BRWD3: variants seen among roughly 807,000 people sequenced by gnomAD.
The protein encoded by BRWD3 is bromodomain and WD repeat domain containing 3, also known as bromodomain and WD repeat-containing protein 3.
A neutral mutation model predicts 149.7 loss-of-function variants in BRWD3; 10 were observed. The observed-to-expected ratio is 0.07, with a 90% CI of 0.04 to 0.11. The LOEUF is 0.11. BRWD3 is among the 10% of genes least tolerant of loss of function. BRWD3 has a pLI of 1.00. For missense variants in BRWD3, 940 were observed against 1,373.2 expected (o/e 0.68, Z 4.99); for synonymous variants, 504 against 456.7 (o/e 1.10, Z -1.32).
intron 6 of BRWD3, among the ~76,000 whole-genome samples, chrX:80,776,403 AT>A (rs764383400): frequency 8.9e-6 from 1 of 112,449 alleles, no homozygotes; most frequent in South Asian, 3.7e-4. Flanking sequence ...AAAATAAAGG[AT>A]TTTCAACTCA....
chrX:80,699,940 G>C lies in BRWD3; in HGVS notation c.2943+17C>G. The stretch of plus-strand genomic sequence containing the variant: ...AAGCTACTTCCATTGCATAGCTTAT[G>C]AATTTGGCAAACTTACCCTGAGATC... On this transcript the variant is annotated intron_variant, in intron 25 of 40. Transcript: ENST00000373275. 2 of 1,156,979 alleles carry C rather than the reference G, an allele frequency of 1.7e-6. No homozygotes were observed. Among genetic ancestry groups the C allele is most frequent in the Non-Finnish European group, 2.4e-6 (2 of 847,698 alleles).
chrX:80,772,195 A>G lies in BRWD3; in HGVS notation c.430+19659T>C, dbSNP rs184466365. Among the ~76,000 whole-genome samples, 360 of 112,195 alleles carry G rather than the reference A, an allele frequency of 3.2e-3. 1 individual carries two copies. Among genetic ancestry groups the G allele is most frequent in the Non-Finnish European group, 2.1e-3 (110 of 53,273 alleles). ...TATGTTTATTGCGGCACTATTCACA[A>G]TAGCAAAGACTTGGAACCAACCCAA... On this transcript the variant is annotated intron_variant, in intron 6 of 40. Transcript: ENST00000373275.
intron 6 of BRWD3, among the ~76,000 whole-genome samples, chrX:80,755,067 A>G (rs1371853729): frequency 9.0e-6 from 1 of 111,713 alleles, no homozygotes. Context: ...ATCTACTGAG[A>G]TGATTATGGT....
rs2072508456 is a variant in BRWD3 at position 80,685,479 on chromosome X, C to CTTGTTG, written c.4057_4062dup (p.Gln1353_Gln1354dup). The CTTGTTG allele has an allele frequency of 8.3e-7, 1 of 1,208,072 alleles. No individual in the cohort carries two copies. The highest frequency in any genetic ancestry group is 2.3e-4 in the Middle Eastern group (1 of 4,321). ...AGGCCTACCTCAGAAAGAGATGAATCTTGTTGTCTTTCTGGAACAACAGAC... is the reference window on the plus strand; with the variant it reads ...AGGCCTACCTCAGAAAGAGATGAATCTTGTTGTTGTTGTCTTTCTGGAACAACAGAC... On this transcript the variant is annotated inframe_insertion, in exon 36 of 41. Transcript: ENST00000373275.
At chrX:80,727,925 T>G (rs1304914839) in intron 14 of BRWD3, among the ~76,000 whole-genome samples, 3 of 112,037 alleles carry the variant, frequency 2.7e-5, no homozygotes, top group African/African-American at 9.7e-5. Context: ...GACAGGACTC[T>G]GTCTAATTTA....
chrX:80,692,212 C>T (rs2072622572), intron 28 of BRWD3, 62 bp from the exon 29 acceptor site: 2 of 1,035,140 alleles, frequency 1.9e-6, no homozygotes, highest in East Asian at 3.0e-5. Context: ...TCATATACTA[C>T]CACAATTTTA....
rs2072758079 is a variant in BRWD3, at chrX:80,699,939, T to C, written c.2943+18A>G. 4 of 1,152,925 alleles carry C rather than the reference T, an allele frequency of 3.5e-6. No individual in the cohort carries two copies. The highest frequency in any genetic ancestry group is 6.0e-5 in the East Asian group (2 of 33,455). ...AAAGCTACTTCCATTGCATAGCTTA[T>C]GAATTTGGCAAACTTACCCTGAGAT... On this transcript the variant is annotated intron_variant, in intron 25 of 40. Transcript: ENST00000373275.
intron 6 of BRWD3, among the ~76,000 whole-genome samples, chrX:80,752,725 A>G (rs1422896887): frequency 8.9e-6 from 1 of 111,788 alleles, no homozygotes; most frequent in African/African-American, 3.3e-5. Flanking sequence ...GCTGAAGTGC[A>G]GTGGCACCAT....
At chrX:80,713,729 T>G (rs2073032460) in intron 20 of BRWD3, among the ~76,000 whole-genome samples, 1 of 111,709 alleles carries the variant, frequency 9.0e-6, no homozygotes, top group African/African-American at 3.3e-5. Flanking sequence ...AAATCTTAGA[T>G]TACTTCTAAC....
intron 40 of BRWD3, among the ~76,000 whole-genome samples, chrX:80,677,590 T>TAA (rs780973323): frequency 9.0e-6 from 1 of 111,002 alleles, no homozygotes; most frequent in Non-Finnish European, 1.9e-5. Context: ...GGCCATGAGG[T>TAA]TTAGGCAGAA....
At chrX:80,725,960 C>T (rs746201730) in intron 14 of BRWD3, among the ~76,000 whole-genome samples, 3 of 109,678 alleles carry the variant, frequency 2.7e-5, no homozygotes, top group African/African-American at 9.9e-5. Context: ...CTATATAACA[C>T]ATAACATGTT....
At chrX:80,735,499 A>G (rs1475976294) in intron 9 of BRWD3, among the ~76,000 whole-genome samples, 1 of 111,824 alleles carries the variant, frequency 8.9e-6, no homozygotes, top group Admixed American at 9.5e-5. Context: ...AAGATTTTCT[A>G]TATAAATTGT....
At chrX:80,706,504 C>G (rs1234519533) in intron 22 of BRWD3, among the ~76,000 whole-genome samples, 1 of 111,537 alleles carries the variant, frequency 9.0e-6, no homozygotes, top group Non-Finnish European at 1.9e-5. Flanking sequence ...AACTAAGACA[C>G]AAACATTAGC....
chrX:80,743,226 G>A (rs1048960554), intron 8 of BRWD3, among the ~76,000 whole-genome samples: 4 of 111,865 alleles, frequency 3.6e-5, no homozygotes, highest in East Asian at 5.6e-4. Context: ...TGAACCAGCC[G>A]TGCATCCCAG....
chrX:80,703,719 A>G, intron 23 of BRWD3, 126 bp from the exon 24 acceptor site: 1 of 458,198 alleles, frequency 2.2e-6, no homozygotes, highest in Non-Finnish European at 3.7e-6. Context: ...AATGAAACCT[A>G]AAGTATATAA....
intron 2 of BRWD3, 95 bp downstream of exon 2, chrX:80,809,151 T>C: frequency 2.6e-6 from 3 of 1,144,411 alleles, no homozygotes; most frequent in Non-Finnish European, 2.4e-6. Context: ...AAGGCCGGCC[T>C]TTCCCTCACC....
At chrX:80,725,833 GTTTACATGTGTTACATGCCTA>G (rs1214026274) in intron 14 of BRWD3, among the ~76,000 whole-genome samples, 5 of 96,509 alleles carry the variant, frequency 5.2e-5, no homozygotes, top group African/African-American at 2.1e-4. Context: ...AACATAACAT[GTTTACATGTGTTACATGCCTA>G]TATAACATAA....
chrX:80,745,418 G>A (rs2073578698), intron 7 of BRWD3, 151 bp downstream of exon 7: 1 of 474,219 alleles, frequency 2.1e-6, no homozygotes, highest in African/African-American at 2.4e-5. Context: ...TATATAAAAT[G>A]AGAAACTTTT....
chrX:80,712,058 A>G (rs1020506931), intron 20 of BRWD3, among the ~76,000 whole-genome samples: 1 of 111,825 alleles, frequency 8.9e-6, no homozygotes, highest in Non-Finnish European at 1.9e-5. Flanking sequence ...AAGAGGTAAA[A>G]AGTATCTTTA....
Sources: gnomAD v4.1 joint callset for allele counts (sites outside exome capture counted in the v4.1 genomes callset) on GRCh38, gnomAD v4.1.1 for gene constraint, MANE v1.5 for transcripts, NCBI Gene and HGNC (gene_info 2026-07-23, HGNC 2026-07-21) for gene names.